The following NBPF12 variants were observed in gnomAD, a reference collection of about 807,000 sequenced individuals.
NBPF12 encodes NBPF family member NBPF12.
A neutral mutation model predicts 146.4 loss-of-function variants in NBPF12; 115 were observed. The ratio of observed to expected loss-of-function variants is 0.79; its 90% CI spans 0.68 to 0.92. NBPF12 has a LOEUF of 0.92. NBPF12 is among the 40% of genes least tolerant of loss of function. The pLI is 0.00. For missense variants in NBPF12, 1,205 were observed against 1,326.8 expected (o/e 0.91, Z 1.43); for synonymous variants, 385 against 508.9 (o/e 0.76, Z 3.28).
chr1:146,939,754 C>T (rs1358337202), intron 1 of NBPF12, among the ~76,000 whole-genome samples: 2 of 151,866 alleles, frequency 1.3e-5, no homozygotes, highest in Admixed American at 6.6e-5. Context: ...GAGGCCGACG[C>T]GGGCGGATCA....
intron 17 of NBPF12, 108 bp downstream of exon 20, chr1:146,977,109 G>C (rs1657089568): frequency 1.1e-5 from 8 of 748,480 alleles, no homozygotes; most frequent in Admixed American, 2.0e-5. Context: ...GCATTCGCTT[G>C]GCCACAGTAT....
chr1:146,971,410 C>G lies in NBPF12; in HGVS notation c.1591+16C>G, dbSNP rs1553886438. 5.0e-5 allele frequency: 80 copies of G among 1,600,546 alleles called. 3 individuals carry two copies. The African/African-American group carries it at 9.0e-4, about 18-fold the overall frequency. ...ATTCTCCCAGGTAGCCTCTATTTTCCTTGTGTCTCATACCTCTGTCTAGGC... is the reference window on the plus strand; with the variant it reads ...ATTCTCCCAGGTAGCCTCTATTTTCGTTGTGTCTCATACCTCTGTCTAGGC... On this transcript the variant is annotated intron_variant, in intron 13 of 33. Coordinates refer to ENST00000617844, the Ensembl canonical transcript of NBPF12.
intron 6 of NBPF12, among the ~76,000 whole-genome samples, chr1:146,963,738 T>C (rs1224824634): frequency 6.7e-6 from 1 of 149,576 alleles, no homozygotes; most frequent in Non-Finnish European, 1.5e-5. Flanking sequence ...ACAAATTGTT[T>C]CTTGCAAGGG....
intron 19 of NBPF12, among the ~76,000 whole-genome samples, chr1:146,980,569 A>G (rs1234496566): frequency 3.3e-5 from 5 of 151,902 alleles, no homozygotes; most frequent in African/African-American, 9.7e-5. Flanking sequence ...TCCTTCACTT[A>G]TGAAGCTTTG....
At chr1:146,971,457 A>G in intron 13 of NBPF12, 63 bp downstream of exon 16, 1 of 1,353,550 alleles carries the variant, frequency 7.4e-7, no homozygotes, top group South Asian at 1.2e-5. Flanking sequence ...AATTCTGAGG[A>G]CAGGCTGTAT....
At chr1:146,981,316 C>A (rs1464342601) in intron 19 of NBPF12, among the ~76,000 whole-genome samples, 6 of 114,288 alleles carry the variant, frequency 5.2e-5, no homozygotes, top group African/African-American at 2.2e-4. Context: ...TATATATATA[C>A]ATACACACAA....
intron 1 of NBPF12, among the ~76,000 whole-genome samples, chr1:146,950,007 G>T (rs1376688967): frequency 1.5e-4 from 23 of 152,100 alleles, no homozygotes; most frequent in Non-Finnish European, 3.4e-4. Context: ...CATATAACTG[G>T]CATATAACAA....
chr1:146,981,346 A>G (rs1657376394), intron 19 of NBPF12, among the ~76,000 whole-genome samples: 1 of 147,040 alleles, frequency 6.8e-6, no homozygotes, highest in Non-Finnish European at 1.5e-5. Flanking sequence ...AAGGAAAACT[A>G]TACATATGGA....
intron 2 of NBPF12, chr1:146,952,158 G>T (rs1465504931): frequency 6.6e-6 from 1 of 151,876 alleles, no homozygotes; most frequent in Non-Finnish European, 1.5e-5. Flanking sequence ...TTTCTTTTAT[G>T]ATGAAGGAGA....
chr1:146,971,262 G>A lies in NBPF12; in HGVS notation c.1459G>A (p.Gly487Ser), dbSNP rs1553886386. 106 of 1,612,220 alleles carry A rather than the reference G, an allele frequency of 6.6e-5. 1 individual carries two copies. The highest frequency in any genetic ancestry group is 8.3e-5 in the Non-Finnish European group (98 of 1,179,776). The change falls in exon 13 of 34, where the codon GGC becomes AGC. Residue 487 changes from glycine (G) to serine (S), a missense_variant. By Grantham distance (56) the Gly-to-Ser change is moderately conservative. This residue lies in a region of NBPF12 where 278 missense variants were observed against 203.1 expected (regional missense o/e 1.37). Coordinates refer to ENST00000617844, the Ensembl canonical transcript of NBPF12. ...TGCCATCACTTGTTCAAATAGCCAC[G>A]GCCCTTGTGACTCCAACCAGCCTCA...
chr1:146,968,294 G>A (rs1425692200), intron 9 of NBPF12, among the ~76,000 whole-genome samples, 154 bp from the exon 13 acceptor site: 2 of 149,836 alleles, frequency 1.3e-5, no homozygotes, highest in South Asian at 2.2e-4. Context: ...AGAAAGTCAG[G>A]AGACTGAAGA....
intron 2 of NBPF12, among the ~76,000 whole-genome samples, chr1:146,944,130 A>T (rs2101809451): frequency 8.0e-6 from 1 of 124,670 alleles, no homozygotes; most frequent in Non-Finnish European, 1.7e-5. Flanking sequence ...CTCCCATTCC[A>T]GAATCCTGTA....
upstream of NBPF12, among the ~76,000 whole-genome samples, chr1:146,947,082 G>A (rs1389666482): frequency 6.6e-6 from 1 of 151,782 alleles, no homozygotes. Context: ...GGTTACTGTA[G>A]CTTAATGTAA....
intron 2 of NBPF12, among the ~76,000 whole-genome samples, chr1:146,959,460 C>T (rs1369282312): frequency 5.2e-4 from 32 of 61,524 alleles, no homozygotes; most frequent in Non-Finnish European, 7.5e-4. Flanking sequence ...TGCACTCCAG[C>T]CTGGGCGACA....
At chr1:146,971,266 C>T in exon 13 of NBPF12, 2 of 1,612,436 alleles carry the variant, frequency 1.2e-6, no homozygotes, top group Non-Finnish European at 1.7e-6. Flanking sequence ...AGCCACGGCC[C>T]TTGTGACTCC....
chr1:146,939,055 G>C (rs1336699658), intron 1 of NBPF12, 43 bp downstream of exon 1: 2 of 152,210 alleles, frequency 1.3e-5, no homozygotes, highest in African/African-American at 4.8e-5. Context: ...CTGAGGCGCG[G>C]CGCGCTGGGC....
rs1559520283 is a variant in NBPF12, at chr1:146,963,328, C to G, written c.493+19C>G. 3.4e-5 allele frequency: 54 copies of G among 1,611,546 alleles called. 1 individual carries two copies. Among genetic ancestry groups the G allele is most frequent in the South Asian group, 2.6e-4 (24 of 90,976 alleles). On this transcript the variant is annotated intron_variant, in intron 6 of 33. Transcript: ENST00000617844. ...AGCCCAGGTAAGGTGGCCATAGGCC[C>G]TGATGACCCAAAACCCCAGGCTTAT...
chr1:146,962,510 A>G (rs1390635685), intron 5 of NBPF12, among the ~76,000 whole-genome samples: 19 of 151,824 alleles, frequency 1.3e-4, no homozygotes, highest in Non-Finnish European at 2.4e-4. Context: ...TTTACATAAC[A>G]CAAAATTCAC....
At chr1:146,957,835 A>ATATAT (rs1570832309) in intron 2 of NBPF12, among the ~76,000 whole-genome samples, 1 of 93,136 alleles carries the variant, frequency 1.1e-5, no homozygotes, top group East Asian at 6.0e-4. Flanking sequence ...AAGAAAAAAA[A>ATATAT]AATATAATAT....
Sources: gnomAD v4.1 joint callset for allele counts (sites outside exome capture counted in the v4.1 genomes callset) on GRCh38, gnomAD v4.1.1 for gene constraint, gnomAD v4.1.1 regional missense constraint, MANE v1.5 for transcripts, NCBI Gene and HGNC (gene_info 2026-07-23, HGNC 2026-07-21) for gene names.